CHST9: variants seen among roughly 807,000 people sequenced by gnomAD.
CHST9 encodes the protein GalNAc-4-sulfotransferase 2.
A neutral mutation model predicts 44.4 loss-of-function variants in CHST9; 41 were observed. The observed-to-expected ratio is 0.92, with a 90% CI of 0.72 to 1.20. The LOEUF (loss-of-function observed/expected upper bound fraction) is 1.20, where lower values mean the gene tolerates loss of function less well. CHST9 is among the 50% of genes most tolerant of loss of function. The pLI is 0.00. For missense variants in CHST9, 504 were observed against 516.5 expected (o/e 0.98, Z 0.23); for synonymous variants, 171 against 178.4 (o/e 0.96, Z 0.33).
chr18:27,091,363 T>C (rs1233975326), intron 2 of CHST9, among the ~76,000 whole-genome samples: 1 of 152,228 alleles, frequency 6.6e-6, no homozygotes, highest in Non-Finnish European at 1.5e-5. Flanking sequence ...GATGGGGTTT[T>C]CTAAATATAT....
rs2055506123 is a variant in CHST9 at position 26,915,703 on chromosome 18, T to G, written c.*556A>C. On this transcript the variant is annotated 3_prime_UTR_variant, in exon 6 of 6. Coordinates refer to ENST00000618847, the MANE Select transcript of CHST9 (RefSeq NM_031422.6). ...TAAAAAGCCACAGCCTCATCTGGTT[T>G]TTCTGCTATATTCTCATATTGTAAA... 6.6e-6 allele frequency: 1 copy of G among 152,164 alleles called. No individual in the cohort carries two copies. The highest frequency in any genetic ancestry group is 6.6e-5 in the Admixed American group (1 of 15,258). The allele number at this position is 152,164 out of a possible 1,614,324, so 9.4% of individuals were successfully genotyped here.
intron 2 of CHST9, among the ~76,000 whole-genome samples, chr18:27,069,450 A>G (rs1021038079): frequency 5.9e-5 from 9 of 152,158 alleles, no homozygotes; most frequent in African/African-American, 1.7e-4. Context: ...AAAAGTGAGA[A>G]AATGTATGAC....
chr18:27,110,460 T>C (rs547586745), intron 2 of CHST9, among the ~76,000 whole-genome samples: 35 of 152,346 alleles, frequency 2.3e-4, no homozygotes, highest in Middle Eastern at 6.8e-3. Context: ...CCAGGCTAGT[T>C]ACTCTCTGGG....
At chr18:26,945,691 A>C (rs2056151660) in intron 4 of CHST9, among the ~76,000 whole-genome samples, 1 of 152,176 alleles carries the variant, frequency 6.6e-6, no homozygotes, top group Admixed American at 6.6e-5. Flanking sequence ...GGTAGTTTCT[A>C]AGTTTTGACT....
intron 2 of CHST9, among the ~76,000 whole-genome samples, chr18:27,093,651 C>T (rs777858759): frequency 9.9e-5 from 15 of 152,228 alleles, no homozygotes; most frequent in African/African-American, 2.7e-4. Flanking sequence ...TAGTCTGTCA[C>T]GGCTTCCCTT....
chr18:27,021,813 T>C (rs2057230156), intron 4 of CHST9, among the ~76,000 whole-genome samples: 1 of 152,206 alleles, frequency 6.6e-6, no homozygotes, highest in Non-Finnish European at 1.5e-5. Context: ...CTTATTTTAT[T>C]TGATTTTTTA....
chr18:27,064,816 C>A (rs2057763974), intron 2 of CHST9, among the ~76,000 whole-genome samples: 1 of 152,118 alleles, frequency 6.6e-6, no homozygotes, highest in Non-Finnish European at 1.5e-5. Context: ...AATGCACACA[C>A]AATTTGAAAT....
intron 2 of CHST9, among the ~76,000 whole-genome samples, chr18:27,050,629 T>C (rs556481793): frequency 1.3e-5 from 2 of 152,288 alleles, no homozygotes; most frequent in South Asian, 4.1e-4. Flanking sequence ...TTATATTCAT[T>C]TGGGTGATTT....
intron 2 of CHST9, among the ~76,000 whole-genome samples, chr18:27,108,049 C>T (rs962143407): frequency 1.3e-5 from 2 of 152,178 alleles, no homozygotes; most frequent in African/African-American, 4.8e-5. Flanking sequence ...CTCTTTGAAA[C>T]TTCCTAATGT....
intron 4 of CHST9, among the ~76,000 whole-genome samples, chr18:27,004,207 T>G (rs1185007): frequency 4.0e-5 from 6 of 151,538 alleles, no homozygotes; most frequent in African/African-American, 7.3e-5. Context: ...AGCAAATTAC[T>G]GCGAGCAACA....
At chr18:26,994,656 C>A (rs1448735674) in intron 4 of CHST9, among the ~76,000 whole-genome samples, 1 of 152,086 alleles carries the variant, frequency 6.6e-6, no homozygotes, top group Non-Finnish European at 1.5e-5. Flanking sequence ...GTGGTGCAAC[C>A]TTGGCTCACT....
chr18:26,979,716 G>A lies in CHST9; in HGVS notation c.203-35350C>T, dbSNP rs537517732. Among the ~76,000 whole-genome samples, 9 of 152,286 alleles carry A rather than the reference G, an allele frequency of 5.9e-5. No homozygotes were observed. In the East Asian group the frequency reaches 1.7e-3, roughly 29 times the overall value. On this transcript the variant is annotated intron_variant, in intron 4 of 5. Coordinates refer to ENST00000618847, the MANE Select transcript of CHST9 (RefSeq NM_031422.6). ...TTTGTCTTTTTGTACACAGAGATCA[G>A]ATCAGTGCTTGGCATAAACTGCTCA...
chr18:27,046,368 A>AT (rs1211798593), intron 3 of CHST9, among the ~76,000 whole-genome samples: 5 of 151,932 alleles, frequency 3.3e-5, no homozygotes, highest in African/African-American at 4.8e-5. Context: ...ATATTTTCTA[A>AT]TTTTTTTGTT....
intron 2 of CHST9, among the ~76,000 whole-genome samples, chr18:27,063,269 C>T (rs1017082093): frequency 5.9e-5 from 9 of 152,144 alleles, no homozygotes; most frequent in African/African-American, 1.9e-4. Context: ...ACCACATATG[C>T]TCCCTCATAT....
intron 2 of CHST9, among the ~76,000 whole-genome samples, chr18:27,129,367 T>G (rs1305446515): frequency 1.3e-5 from 2 of 150,994 alleles, no homozygotes; most frequent in Non-Finnish European, 2.9e-5. Flanking sequence ...TTATTTTTAT[T>G]TTTTATTTTT....
intron 2 of CHST9, among the ~76,000 whole-genome samples, chr18:27,127,481 G>C (rs998782330): frequency 1.3e-5 from 2 of 152,152 alleles, no homozygotes; most frequent in African/African-American, 4.8e-5. Flanking sequence ...AAAAGGACCA[G>C]TGGTTGATAG....
At chr18:27,064,383 T>C (rs1249811048) in intron 2 of CHST9, among the ~76,000 whole-genome samples, 1 of 151,972 alleles carries the variant, frequency 6.6e-6, no homozygotes, top group Non-Finnish European at 1.5e-5. Flanking sequence ...GACGGCACCA[T>C]GATTAATACA....
At chr18:27,023,748 A>C (rs1171138736) in intron 4 of CHST9, among the ~76,000 whole-genome samples, 1 of 152,238 alleles carries the variant, frequency 6.6e-6, no homozygotes, top group Non-Finnish European at 1.5e-5. Flanking sequence ...AAGACACTTT[A>C]AACAATAGAC....
chr18:27,017,317 T>C (rs2057166781), intron 4 of CHST9, among the ~76,000 whole-genome samples: 1 of 152,208 alleles, frequency 6.6e-6, no homozygotes, highest in African/African-American at 2.4e-5. Context: ...AAAATGTCCA[T>C]AGCAGTCCTA....
Sources: gnomAD v4.1 joint callset for allele counts (sites outside exome capture counted in the v4.1 genomes callset) on GRCh38, gnomAD v4.1.1 for gene constraint, MANE v1.5 for transcripts, NCBI Gene and HGNC (gene_info 2026-07-23, HGNC 2026-07-21) for gene names.